The following HM13 variants were observed in gnomAD, a reference collection of about 807,000 sequenced individuals.
The protein encoded by HM13 is histocompatibility minor 13.
In HM13, 18 loss-of-function variants were observed where a neutral mutation model predicts 50.0. That is an observed-to-expected ratio of 0.36 (90% CI 0.25 to 0.53). The LOEUF (loss-of-function observed/expected upper bound fraction) is 0.53. Ranked by LOEUF, HM13 falls within the 20% of genes least tolerant of loss-of-function variation. The pLI is 0.90. For synonymous variants in HM13, 197 were observed against 232.6 expected, an observed-to-expected ratio of 0.85 and a Z score of 1.39; for missense variants, 393 against 552.4, an observed-to-expected ratio of 0.71 and a Z score of 2.89.
intron 7 of HM13, among the ~76,000 whole-genome samples, chr20:31,553,000 GA>G (rs1265371065): frequency 2.6e-5 from 4 of 151,870 alleles, no homozygotes; most frequent in Admixed American, 1.3e-4. Flanking sequence ...TATGTATAAA[GA>G]AATAAAAATT....
At chr20:31,515,386 G>A (rs2122521600) in intron 1 of HM13, among the ~76,000 whole-genome samples, 1 of 152,290 alleles carries the variant, frequency 6.6e-6, no homozygotes, top group East Asian at 1.9e-4. Context: ...CTCAGAAGCT[G>A]GCATCTTGGT....
At chr20:31,544,828 A>G (rs1983620965) in intron 3 of HM13, 119 bp from the exon 4 acceptor site, 4 of 772,958 alleles carry the variant, frequency 5.2e-6, no homozygotes, top group Middle Eastern at 3.5e-4. Flanking sequence ...GAGTGGGAAC[A>G]GTAACACCTA....
chr20:31,531,652 G>A (rs767044792), intron 2 of HM13, among the ~76,000 whole-genome samples: 1 of 152,004 alleles, frequency 6.6e-6, no homozygotes, highest in Non-Finnish European at 1.5e-5. Context: ...GGAGTGCAGT[G>A]GCATGATCTT....
intron 2 of HM13, among the ~76,000 whole-genome samples, chr20:31,528,511 C>A (rs1033357504): frequency 2.6e-5 from 4 of 152,180 alleles, no homozygotes; most frequent in African/African-American, 9.6e-5. Flanking sequence ...CGGAGTCTCG[C>A]TCTGTCACCC....
chr20:31,533,805 T>C (rs951186280), intron 2 of HM13, among the ~76,000 whole-genome samples: 7 of 152,182 alleles, frequency 4.6e-5, no homozygotes, highest in African/African-American at 1.7e-4. Context: ...TCTCAAGGAC[T>C]TTCACACTGA....
intron 3 of HM13, among the ~76,000 whole-genome samples, chr20:31,542,513 T>A (rs548248381): frequency 6.6e-6 from 1 of 152,304 alleles, no homozygotes; most frequent in Admixed American, 6.5e-5. Flanking sequence ...AGGAAGAATC[T>A]CTGCCTGCTA....
chr20:31,518,648 A>T (rs1471685141), intron 1 of HM13, among the ~76,000 whole-genome samples: 1 of 151,406 alleles, frequency 6.6e-6, no homozygotes, highest in Non-Finnish European at 1.5e-5. Context: ...TCCATCTCAA[A>T]AATAATAATA....
At chr20:31,548,791 C>G in intron 4 of HM13, 2 of 565,764 alleles carry the variant, frequency 3.5e-6, no homozygotes, top group Non-Finnish European at 6.3e-6. Flanking sequence ...CTGTGCCAGG[C>G]TTGTAAGTCT....
chr20:31,517,487 G>A (rs1040870531), intron 1 of HM13, among the ~76,000 whole-genome samples: 4 of 152,110 alleles, frequency 2.6e-5, no homozygotes, highest in African/African-American at 7.2e-5. Context: ...CAGGAGTTCC[G>A]GGACAAAGAA....
Position 31,554,882 on chromosome 20 carries a change from G to T in HM13, c.808+53G>T. The T allele has an allele frequency of 2.9e-6, 4 of 1,361,936 alleles. No individual in the cohort carries two copies. The Admixed American group carries it at 5.0e-5, about 17-fold the overall frequency. The allele number at this position is 1,361,936 out of a possible 1,614,324, so 84.4% of individuals were successfully genotyped here. A position where few individuals can be genotyped will look rare whatever the true frequency, so the allele number is the denominator to read the frequency against. Reference sequence around the variant, plus strand: ...GAAAGGGGTGGAGAGGGTATTCCCCGGAGCAAGGGGATTACTGCTAAACAG... The same window carrying T: ...GAAAGGGGTGGAGAGGGTATTCCCCTGAGCAAGGGGATTACTGCTAAACAG... On this transcript the variant is annotated intron_variant, in intron 8 of 12. Coordinates refer to ENST00000398174, the MANE Select transcript of HM13 (RefSeq NM_178581.3).
intron 1 of HM13, among the ~76,000 whole-genome samples, chr20:31,525,737 T>C (rs1057322385): frequency 1.3e-5 from 2 of 151,372 alleles, no homozygotes; most frequent in Admixed American, 1.3e-4. Context: ...CTTTTGACCC[T>C]GTTTGGAATA....
chr20:31,552,038 T>C (rs1276372885), intron 7 of HM13, among the ~76,000 whole-genome samples: 1 of 151,480 alleles, frequency 6.6e-6, no homozygotes, highest in Non-Finnish European at 1.5e-5. Flanking sequence ...GGGCAGAGTA[T>C]TGGAATTGGC....
intron 3 of HM13, chr20:31,538,840 T>C (rs1983269867): frequency 4.6e-6 from 1 of 216,832 alleles, no homozygotes; most frequent in Non-Finnish European, 7.9e-6. Flanking sequence ...GGAAAGCTTT[T>C]AGCACAGTAT....
intron 11 of HM13, among the ~76,000 whole-genome samples, chr20:31,567,388 G>C (rs933391284): frequency 1.3e-5 from 2 of 152,132 alleles, no homozygotes; most frequent in African/African-American, 4.8e-5. Flanking sequence ...ACAAGGCAGA[G>C]GGTGCCCCTG....
At chr20:31,546,583 TCTA>T (rs1187000550) in intron 4 of HM13, among the ~76,000 whole-genome samples, 1 of 151,554 alleles carries the variant, frequency 6.6e-6, no homozygotes, top group Non-Finnish European at 1.5e-5. Context: ...AAACCCCGTC[TCTA>T]CTAAAAACAC....
chr20:31,531,712 G>A (rs897486963), intron 2 of HM13, among the ~76,000 whole-genome samples: 4 of 152,110 alleles, frequency 2.6e-5, no homozygotes, highest in African/African-American at 9.7e-5. Flanking sequence ...TCCTGCCTCA[G>A]CCTCCTGAGA....
chr20:31,535,107 G>A (rs576614237), intron 2 of HM13, among the ~76,000 whole-genome samples: 4 of 152,006 alleles, frequency 2.6e-5, no homozygotes, highest in Non-Finnish European at 2.9e-5. Flanking sequence ...AAGAAGAAGA[G>A]GAGGGCCAGA....
rs1356357341 is a variant in HM13 at position 31,561,670 on chromosome 20, C to T, written c.882C>T (p.Ser294=). 17 of 1,613,980 alleles carry T rather than the reference C, an allele frequency of 1.1e-5. No individual in the cohort carries two copies. Among genetic ancestry groups the T allele is most frequent in the East Asian group, 4.5e-5 (2 of 44,884 alleles). ...ATACCCACACCTACTTCTACACCAGCTTTGCAGCCTACATCTTCGGCCTGG... is the reference window on the plus strand; with the variant it reads ...ATACCCACACCTACTTCTACACCAGTTTTGCAGCCTACATCTTCGGCCTGG... ...KKNTHTYFYT[S]FAAYIFGLGL... Residue 294 remains serine, a synonymous_variant, in exon 10 of 13, where the codon AGC becomes AGT. Transcript: ENST00000398174.
rs983032779 is a variant in HM13, at chr20:31,514,674, C to T, written c.123C>T (p.Leu41=). The T allele has an allele frequency of 3.2e-6, 5 of 1,558,520 alleles. No individual in the cohort carries two copies. The highest frequency in any genetic ancestry group is 4.3e-6 in the Non-Finnish European group (5 of 1,151,994). Residue 41 remains leucine, a synonymous_variant, in exon 1 of 13, where the codon CTC becomes CTT. Coordinates refer to ENST00000398174, the MANE Select transcript of HM13 (RefSeq NM_178581.3). This position sits in a 1 kb window ranked among gnomAD's most constrained non-coding sequence, Gnocchi z 4.3. ...GIALAYGSLL[L]MALLPIFFGA... ...CGCTGGCCTACGGCAGCCTCCTGCT[C>T]ATGGCGCTGCTGCCCATCTTCTTCG... is the stretch of plus-strand genomic sequence containing the variant.
Sources: gnomAD v4.1 joint callset for allele counts (sites outside exome capture counted in the v4.1 genomes callset) on GRCh38, gnomAD v4.1.1 for gene constraint, Gnocchi (gnomAD v3.1) non-coding constraint, MANE v1.5 for transcripts, NCBI Gene and HGNC (gene_info 2026-07-23, HGNC 2026-07-21) for gene names.